Variants in DHX35 observed in about 807,000 individuals in gnomAD.
DHX35 encodes probable ATP-dependent RNA helicase DHX35.
DHX35 carries 84 observed loss-of-function variants against 99.6 expected under a neutral mutation model. That is an observed-to-expected ratio of 0.84 (90% CI 0.71 to 1.01). The LOEUF is 1.01. Ranked by LOEUF, DHX35 falls within the 50% of genes least tolerant of loss-of-function variation. The pLI, the probability that DHX35 is intolerant of heterozygous loss-of-function variation, is 0.00. For synonymous variants in DHX35, 331 were observed against 316.2 expected (o/e 1.05, Z -0.50); for missense variants, 852 against 888.5 (o/e 0.96, Z 0.52).
At chr20:38,991,645 C>T in intron 6 of DHX35, 130 bp downstream of exon 6, 1 of 698,684 alleles carries the variant, frequency 1.4e-6, no homozygotes, top group Non-Finnish European at 2.3e-6. Flanking sequence ...TTGACCTTGG[C>T]TGTTGGGACC....
At chr20:39,013,045 A>G (rs1230324942) in intron 13 of DHX35, among the ~76,000 whole-genome samples, 5 of 152,206 alleles carry the variant, frequency 3.3e-5, no homozygotes, top group South Asian at 2.1e-4. Context: ...AAGCTTACAT[A>G]TGTGATAATG....
intron 5 of DHX35, among the ~76,000 whole-genome samples, chr20:38,991,127 A>C (rs2086331048): frequency 6.6e-6 from 1 of 152,228 alleles, no homozygotes; most frequent in Non-Finnish European, 1.5e-5. Flanking sequence ...TTCTTTGGGC[A>C]GATACCAGTT....
At chr20:39,032,029 G>A (rs13040864) in intron 20 of DHX35, among the ~76,000 whole-genome samples, 2,872 of 152,230 alleles carry the variant, frequency 0.019, 47 homozygotes, top group Non-Finnish European at 0.027. Flanking sequence ...TTAAGTTTAT[G>A]TTTGTCCAAT....
At chr20:39,010,201 A>G in intron 12 of DHX35, 79 bp from the exon 13 acceptor site, 2 of 1,603,940 alleles carry the variant, frequency 1.2e-6, no homozygotes, top group Non-Finnish European at 1.7e-6. Context: ...AAGATAGAGA[A>G]GAAAATTTGT....
intron 4 of DHX35, 48 bp downstream of exon 4, chr20:38,983,824 T>A (rs779912609): frequency 6.6e-7 from 1 of 1,526,336 alleles, no homozygotes; most frequent in South Asian, 1.2e-5. Flanking sequence ...TTGTCTACAT[T>A]TGTGATTTGT....
Position 39,018,518 on chromosome 20 carries a change from G to A in DHX35, c.1403-286G>A, listed in dbSNP as rs536907750. 2.1e-3 allele frequency among the ~76,000 whole-genome samples: 317 copies of A among 151,858 alleles called. 1 individual carries two copies. The highest frequency in any genetic ancestry group is 7.4e-3 in the African/African-American group (305 of 41,454). Reference sequence around the variant, plus strand: ...CTTGTGGATTGAGGAGAGGGTACAAGCAGGAGAAGGCTGCAGGGGGATTTC... The same window carrying A: ...CTTGTGGATTGAGGAGAGGGTACAAACAGGAGAAGGCTGCAGGGGGATTTC... On this transcript the variant is annotated intron_variant, in intron 14 of 21. Coordinates refer to ENST00000252011, the MANE Select transcript of DHX35 (RefSeq NM_021931.4).
chr20:39,004,027 G>A (rs1458687248), intron 11 of DHX35, 120 bp downstream of exon 11: 2 of 1,142,378 alleles, frequency 1.8e-6, no homozygotes, highest in African/African-American at 3.1e-5. Context: ...TTTCTGTGTA[G>A]TAGATCTAAA....
At chr20:38,989,348 C>T (rs936512962) in intron 5 of DHX35, among the ~76,000 whole-genome samples, 4 of 146,820 alleles carry the variant, frequency 2.7e-5, no homozygotes, top group Non-Finnish European at 5.9e-5. Context: ...TCTCCTGACT[C>T]GTGATCCACC....
intron 20 of DHX35, among the ~76,000 whole-genome samples, chr20:39,031,986 A>G (rs2087061817): frequency 6.6e-6 from 1 of 152,222 alleles, no homozygotes; most frequent in South Asian, 2.1e-4. Flanking sequence ...AGTCTAGAGT[A>G]GGCCTTTAGA....
intron 3 of DHX35, among the ~76,000 whole-genome samples, chr20:38,979,845 A>G (rs550417233): frequency 7.4e-4 from 108 of 145,806 alleles, no homozygotes; most frequent in African/African-American, 2.6e-3. Flanking sequence ...TTTTTTTACT[A>G]GAGTTCTGTA....
chr20:38,975,066 T>C (rs537571939), intron 3 of DHX35, among the ~76,000 whole-genome samples: 16 of 152,190 alleles, frequency 1.1e-4, no homozygotes, highest in Non-Finnish European at 2.1e-4. Context: ...CTTGTGGTCA[T>C]GCCAGGATCT....
chr20:39,002,520 T>G (rs2086537408), intron 9 of DHX35, among the ~76,000 whole-genome samples: 1 of 152,236 alleles, frequency 6.6e-6, no homozygotes, highest in Non-Finnish European at 1.5e-5. Context: ...AGATAGCACA[T>G]CTATTTGTAT....
chr20:39,032,020 T>C (rs1335847573), intron 20 of DHX35, among the ~76,000 whole-genome samples: 1 of 152,246 alleles, frequency 6.6e-6, no homozygotes, highest in African/African-American at 2.4e-5. Flanking sequence ...TTTCAATGGT[T>C]AAGTTTATGT....
chr20:38,975,608 C>T (rs1601369317), intron 3 of DHX35, among the ~76,000 whole-genome samples: 1 of 152,150 alleles, frequency 6.6e-6, no homozygotes, highest in Admixed American at 6.5e-5. Flanking sequence ...TAGTCTGTGA[C>T]GTTATGTAGT....
In DHX35 at chr20:39,038,528, G is replaced by A. The variant is rs754639323; in HGVS notation, c.2097G>A (p.Lys699=). The change falls in exon 22 of 22, where the codon AAG becomes AAA. Residue 699 remains lysine, a synonymous_variant. Transcript: ENST00000252011. ...TGTCTCTGAAAGCCAAAAGGGCCAA[G>A]GTCCAGGACCCGTGAGAGGAGCCCA... The part of the protein sequence containing the change: ...THLSLKAKRA[K]VQDP 2 of 1,613,112 alleles carry A rather than the reference G, an allele frequency of 1.2e-6. No individual in the cohort carries two copies. The highest frequency in any genetic ancestry group is 1.7e-6 in the Non-Finnish European group (2 of 1,179,994).
chr20:38,987,102 A>C (rs1303317740), intron 4 of DHX35, among the ~76,000 whole-genome samples: 1 of 152,128 alleles, frequency 6.6e-6, no homozygotes, highest in South Asian at 2.1e-4. Flanking sequence ...AGGTTGTCTC[A>C]CCTGTGAAAG....
At chr20:38,977,227 C>T (rs1307675595) in intron 3 of DHX35, among the ~76,000 whole-genome samples, 1 of 152,114 alleles carries the variant, frequency 6.6e-6, no homozygotes, top group African/African-American at 2.4e-5. Context: ...TGCAAGAGTT[C>T]CCTTTTCTCC....
At chr20:39,010,159 A>T (rs2086678195) in intron 12 of DHX35, 121 bp from the exon 13 acceptor site, 2 of 1,333,972 alleles carry the variant, frequency 1.5e-6, no homozygotes, top group Middle Eastern at 3.6e-4. Flanking sequence ...TATCATGTGC[A>T]TCTGCTTCTA....
At chr20:39,026,311 A>C (rs958493481) in intron 18 of DHX35, among the ~76,000 whole-genome samples, 8 of 152,220 alleles carry the variant, frequency 5.3e-5, no homozygotes, top group Non-Finnish European at 8.8e-5. Flanking sequence ...CTGAAGTTAC[A>C]CAGTGAGGGT....
Sources: gnomAD v4.1 joint callset for allele counts (sites outside exome capture counted in the v4.1 genomes callset) on GRCh38, gnomAD v4.1.1 for gene constraint, MANE v1.5 for transcripts, NCBI Gene and HGNC (gene_info 2026-07-23, HGNC 2026-07-21) for gene names.